The following TSNARE1 variants were observed in gnomAD, a reference collection of about 807,000 sequenced individuals.
TSNARE1 encodes the protein t-SNARE domain-containing protein 1.
Under a neutral mutation model 62.0 loss-of-function variants are expected in TSNARE1, and 49 were observed. The observed-to-expected ratio is 0.79, with a 90% confidence interval of 0.63 to 1.00. The LOEUF (loss-of-function observed/expected upper bound fraction) is 1.00. TSNARE1 is among the 50% of genes least tolerant of loss of function. The pLI is 0.00. For synonymous variants in TSNARE1, 328 were observed against 294.4 expected (o/e 1.11, Z -1.17); for missense variants, 755 against 700.1 (o/e 1.08, Z -0.88).
chr8:142,323,691 C>T (rs1030974555), intron 6 of TSNARE1, among the ~76,000 whole-genome samples: 4 of 152,224 alleles, frequency 2.6e-5, no homozygotes, highest in African/African-American at 7.2e-5. Flanking sequence ...GACACGGGAG[C>T]TCACACTGTC....
chr8:142,348,654 C>T (rs1203848966), intron 2 of TSNARE1, among the ~76,000 whole-genome samples: 1 of 143,826 alleles, frequency 7.0e-6, no homozygotes, highest in South Asian at 2.3e-4. Flanking sequence ...CCTCCCCTGG[C>T]CCCCGCTCCC....
chr8:142,278,546 G>A (rs548325073), intron 11 of TSNARE1: 22 of 985,410 alleles, frequency 2.2e-5, no homozygotes, highest in African/African-American at 1.9e-4. Flanking sequence ...CTCCTGGCAC[G>A]GTGTCTTGAG....
intron 1 of TSNARE1, among the ~76,000 whole-genome samples, chr8:142,387,387 G>A (rs757475896): frequency 6.6e-6 from 1 of 152,058 alleles, no homozygotes; most frequent in Non-Finnish European, 1.5e-5. Flanking sequence ...AAGATAAACT[G>A]AGGAAAATCA....
intron 9 of TSNARE1, among the ~76,000 whole-genome samples, chr8:142,303,353 A>C (rs981696677): frequency 1.3e-5 from 2 of 152,126 alleles, no homozygotes; most frequent in Non-Finnish European, 2.9e-5. Context: ...TGCTGCTCCC[A>C]AAAACCGCCC....
At chr8:142,311,904 C>T (rs1471719136) in intron 9 of TSNARE1, among the ~76,000 whole-genome samples, 1 of 152,140 alleles carries the variant, frequency 6.6e-6, no homozygotes, top group Non-Finnish European at 1.5e-5. Context: ...TTGTTCAATA[C>T]CAGAACTCCC....
intron 1 of TSNARE1, among the ~76,000 whole-genome samples, chr8:142,362,104 T>C (rs946940760): frequency 6.6e-6 from 1 of 152,214 alleles, no homozygotes; most frequent in Non-Finnish European, 1.5e-5. Flanking sequence ...GCAGCTCCTC[T>C]GCCGGGTGCG....
At chr8:142,364,436 G>C (rs1454798279) in intron 1 of TSNARE1, among the ~76,000 whole-genome samples, 1 of 152,204 alleles carries the variant, frequency 6.6e-6, no homozygotes, top group Non-Finnish European at 1.5e-5. Flanking sequence ...ATAGCTGAGT[G>C]TGTACATGAC....
intron 11 of TSNARE1, chr8:142,275,411 G>A (rs1445992226): frequency 1.2e-5 from 12 of 985,234 alleles, no homozygotes; most frequent in African/African-American, 1.7e-5. Context: ...GATGGTACCT[G>A]GGAAAAGCCG....
At chr8:142,376,353 C>T (rs1836339457) in intron 1 of TSNARE1, among the ~76,000 whole-genome samples, 1 of 152,198 alleles carries the variant, frequency 6.6e-6, no homozygotes, top group Admixed American at 6.5e-5. Flanking sequence ...TCTGCAAGTT[C>T]CCACTTTGAA....
At chr8:142,360,334 G>A (rs1020567534) in intron 1 of TSNARE1, among the ~76,000 whole-genome samples, 4 of 152,172 alleles carry the variant, frequency 2.6e-5, no homozygotes, top group Non-Finnish European at 4.4e-5. Context: ...AGGGCAGAGC[G>A]GGCACTGGCT....
chr8:142,343,502 T>C (rs1342054154), intron 4 of TSNARE1, among the ~76,000 whole-genome samples: 1 of 151,478 alleles, frequency 6.6e-6, no homozygotes. Flanking sequence ...GTGGTCCCAG[T>C]GTGTGACTGG....
intron 12 of TSNARE1, among the ~76,000 whole-genome samples, chr8:142,232,277 C>A (rs913323006): frequency 1.3e-5 from 2 of 152,244 alleles, no homozygotes; most frequent in Non-Finnish European, 2.9e-5. Flanking sequence ...AGACCCCAGG[C>A]AGCTGACAGG....
At chr8:142,288,391 C>T (rs1823141339) in intron 10 of TSNARE1, among the ~76,000 whole-genome samples, 1 of 152,260 alleles carries the variant, frequency 6.6e-6, no homozygotes, top group Non-Finnish European at 1.5e-5. Context: ...GGCAGAGACC[C>T]TGTGGTGCCC....
At chr8:142,330,077 G>A (rs1830792051) in intron 6 of TSNARE1, among the ~76,000 whole-genome samples, 1 of 152,250 alleles carries the variant, frequency 6.6e-6, no homozygotes, top group African/African-American at 2.4e-5. Flanking sequence ...GGGAGTGCGA[G>A]GACAACGTCC....
intron 7 of TSNARE1, among the ~76,000 whole-genome samples, chr8:142,315,352 C>T (rs1221275104): frequency 1.3e-5 from 2 of 152,226 alleles, no homozygotes; most frequent in Non-Finnish European, 2.9e-5. Flanking sequence ...ATAAACCCGG[C>T]CCCACACCAC....
chr8:142,393,915 G>C (rs952802702), intron 1 of TSNARE1, among the ~76,000 whole-genome samples: 2 of 152,160 alleles, frequency 1.3e-5, no homozygotes, highest in East Asian at 1.9e-4. Context: ...GGTTGCAGCC[G>C]TGTGGTTCCT....
intron 9 of TSNARE1, among the ~76,000 whole-genome samples, chr8:142,313,062 GTGTC>G (rs1328704239): frequency 6.6e-6 from 1 of 152,132 alleles, no homozygotes; most frequent in Non-Finnish European, 1.5e-5. Context: ...TTATCTGCAT[GTGTC>G]TGTGTGTCTG....
intron 2 of TSNARE1, among the ~76,000 whole-genome samples, chr8:142,349,924 T>G: frequency 7.1e-6 from 1 of 140,232 alleles, no homozygotes; most frequent in East Asian, 2.2e-4. Flanking sequence ...CAGGCAGGGC[T>G]GGCACGCTGG....
intron 9 of TSNARE1, among the ~76,000 whole-genome samples, chr8:142,308,431 C>T (rs79527629): frequency 0.026 from 3,914 of 152,196 alleles, 120 homozygotes; most frequent in Admixed American, 0.083. Flanking sequence ...TTCAAACATC[C>T]GAGTGATCCG....
Sources: allele counts gnomAD v4.1 joint callset (sites outside exome capture counted in the v4.1 genomes callset), GRCh38; gene constraint gnomAD v4.1.1; transcripts MANE v1.5; gene names NCBI Gene and HGNC (gene_info 2026-07-23, HGNC 2026-07-21).